Variants in SETBP1 observed in about 807,000 individuals in gnomAD.
SETBP1 encodes SET-binding protein.
In SETBP1, 9 loss-of-function variants were observed where a neutral mutation model predicts 101.0. The observed-to-expected ratio is 0.09, with a 90% CI of 0.05 to 0.16. The LOEUF (loss-of-function observed/expected upper bound fraction) is 0.16, where lower values mean the gene tolerates loss of function less well. SETBP1 is among the 10% of genes least tolerant of loss of function. SETBP1 has a pLI of 1.00. For missense variants in SETBP1, 1,858 were observed against 2,033.8 expected (o/e 0.91, Z 1.66); for synonymous variants, 818 against 788.5 (o/e 1.04, Z -0.63).
intron 2 of SETBP1, among the ~76,000 whole-genome samples, chr18:44,702,432 C>CAACTAGACA (rs2069132064): frequency 3.3e-5 from 5 of 152,164 alleles, no homozygotes; most frequent in Non-Finnish European, 7.3e-5. Context: ...CTGCTATAAT[C>CAACTAGACA]TTGGTATAAT....
chr18:44,717,790 G>T (rs1269696317), intron 2 of SETBP1, among the ~76,000 whole-genome samples: 1 of 152,158 alleles, frequency 6.6e-6, no homozygotes, highest in Admixed American at 6.5e-5. Context: ...TTAGAATAGA[G>T]TATAAAATAA....
chr18:44,762,917 G>T (rs907390872), intron 2 of SETBP1, among the ~76,000 whole-genome samples: 12 of 152,108 alleles, frequency 7.9e-5, no homozygotes, highest in African/African-American at 2.7e-4. Context: ...GTATTTATTT[G>T]GTGTAAGGCA....
chr18:44,943,805 C>A (rs969244608), intron 3 of SETBP1, among the ~76,000 whole-genome samples: 12 of 151,890 alleles, frequency 7.9e-5, no homozygotes, highest in African/African-American at 2.7e-4. Context: ...TCATGAACAC[C>A]AGCATTCCTG....
chr18:44,713,103 C>T (rs1438673731), intron 2 of SETBP1, among the ~76,000 whole-genome samples: 4 of 151,876 alleles, frequency 2.6e-5, no homozygotes, highest in Admixed American at 6.6e-5. Context: ...GGACTACAGG[C>T]GCCTGCCACT....
chr18:44,849,323 C>T (rs900537627), intron 2 of SETBP1, among the ~76,000 whole-genome samples: 1 of 152,160 alleles, frequency 6.6e-6, no homozygotes, highest in African/African-American at 2.4e-5. Context: ...ATAAAAATGG[C>T]ACTGAACTGG....
rs565784185 is a variant in SETBP1 at position 44,842,224 on chromosome 18, C to A, written c.487-27006C>A. 1.8e-4 allele frequency among the ~76,000 whole-genome samples: 27 copies of A among 152,264 alleles called. 1 individual carries two copies. The highest frequency in any genetic ancestry group is 6.5e-4 in the African/African-American group (27 of 41,560). Reference sequence around the variant, plus strand: ...CTTGGATGGTGGGCATCAGGCTTCCCGTGCTTGCCCCAGGCTCATCTCTAG... The same window carrying A: ...CTTGGATGGTGGGCATCAGGCTTCCAGTGCTTGCCCCAGGCTCATCTCTAG... On this transcript the variant is annotated intron_variant, in intron 2 of 5. Coordinates refer to ENST00000649279, the MANE Select transcript of SETBP1 (RefSeq NM_015559.3).
intron 3 of SETBP1, among the ~76,000 whole-genome samples, chr18:44,941,085 T>C (rs2071080008): frequency 6.9e-6 from 1 of 144,782 alleles, no homozygotes; most frequent in African/African-American, 2.6e-5. Flanking sequence ...GACTTTTTTT[T>C]TTTTTTTTTT....
chr18:45,055,298 A>C (rs2073790373), intron 5 of SETBP1, among the ~76,000 whole-genome samples: 2 of 152,218 alleles, frequency 1.3e-5, no homozygotes, highest in South Asian at 4.1e-4. Flanking sequence ...GATATTAGTA[A>C]CATAATTTTG....
intron 4 of SETBP1, among the ~76,000 whole-genome samples, chr18:45,024,140 C>A (rs1259081478): frequency 1.3e-5 from 2 of 152,158 alleles, no homozygotes; most frequent in Non-Finnish European, 2.9e-5. Context: ...CCTCTCTCCC[C>A]TCTAAAACAA....
Position 44,951,667 on chromosome 18 carries a change from T to G in SETBP1, c.2327T>G (p.Met776Arg), listed in dbSNP as rs547623462. 2 of 1,614,190 alleles carry G rather than the reference T, an allele frequency of 1.2e-6. No individual in the cohort carries two copies. Among genetic ancestry groups the G allele is most frequent in the African/African-American group, 1.3e-5 (1 of 75,052 alleles). ...CTTGTGGCGTCTTCACCAGCAGCTA[T>G]GCACCCACTTTCAACACAGTTAGGT... ...QSLVASSPAA[M>R]HPLSTQLGGS... The change falls in exon 4 of 6, where the codon ATG becomes AGG. Residue 776 changes from methionine to arginine, a missense_variant. Physicochemically the swap from Met to Arg is moderately conservative, Grantham distance 91. This residue lies in a region of SETBP1 where 121 missense variants were observed against 138.0 expected (regional missense o/e 0.88). Coordinates refer to ENST00000649279, the MANE Select transcript of SETBP1 (RefSeq NM_015559.3). The surrounding 1 kb of genome is among the most constrained non-coding windows in gnomAD (Gnocchi z 7.8).
chr18:44,793,649 G>A (rs1442926155), intron 2 of SETBP1, among the ~76,000 whole-genome samples: 2 of 152,178 alleles, frequency 1.3e-5, no homozygotes, highest in Non-Finnish European at 2.9e-5. Flanking sequence ...TTTTTAAGGG[G>A]TGCCTACTAG....
chr18:44,930,483 A>C (rs369744342), intron 3 of SETBP1, among the ~76,000 whole-genome samples: 1 of 152,112 alleles, frequency 6.6e-6, no homozygotes, highest in Non-Finnish European at 1.5e-5. Flanking sequence ...CTCTTTTTCT[A>C]TTGATTGGAC....
At chr18:44,989,523 AG>A (rs1319425671) in intron 4 of SETBP1, among the ~76,000 whole-genome samples, 1 of 152,176 alleles carries the variant, frequency 6.6e-6, no homozygotes, top group Non-Finnish European at 1.5e-5. Context: ...TAGAGTGAAA[AG>A]GATATTTGAA....
rs76996336 is a variant in SETBP1 at position 44,820,344 on chromosome 18, A to G, written c.487-48886A>G. On this transcript the variant is annotated intron_variant, in intron 2 of 5. Coordinates refer to ENST00000649279, the MANE Select transcript of SETBP1 (RefSeq NM_015559.3). ...GACACCAGAATGGAGTGAAGACATC[A>G]TCTGTTTCCTAACTCTTGTAGCTTT... Among the ~76,000 whole-genome samples the G allele has an allele frequency of 3.3e-5, 5 of 152,284 alleles. No individual in the cohort carries two copies. The East Asian group carries it at 9.7e-4, about 29-fold the overall frequency.
intron 2 of SETBP1, among the ~76,000 whole-genome samples, chr18:44,826,549 A>G (rs531593493): frequency 1.6e-3 from 242 of 152,290 alleles, no homozygotes; most frequent in African/African-American, 5.0e-3. Context: ...GGCATTATCA[A>G]TCATGAGCTG....
intron 3 of SETBP1, among the ~76,000 whole-genome samples, chr18:44,900,637 C>T (rs12606936): frequency 0.092 from 13,932 of 152,166 alleles, 750 homozygotes; most frequent in East Asian, 0.19. Context: ...CAAAGTGTGC[C>T]CCCCAGACCA....
chr18:44,899,238 A>T (rs923238475), intron 3 of SETBP1, among the ~76,000 whole-genome samples: 4 of 152,194 alleles, frequency 2.6e-5, no homozygotes, highest in African/African-American at 9.7e-5. Context: ...AGAACAAATG[A>T]TATTCTCTAA....
intron 3 of SETBP1, among the ~76,000 whole-genome samples, chr18:44,886,080 A>C (rs1395677041): frequency 6.6e-6 from 1 of 152,048 alleles, no homozygotes; most frequent in South Asian, 2.1e-4. Context: ...CATGCACGGG[A>C]AAATTAGAAA....
chr18:44,782,510 A>G (rs1322246560), intron 2 of SETBP1, among the ~76,000 whole-genome samples: 1 of 152,200 alleles, frequency 6.6e-6, no homozygotes, highest in Non-Finnish European at 1.5e-5. Context: ...AAGCCCTGTC[A>G]AGAGTGCTCC....
Sources: allele counts gnomAD v4.1 joint callset (sites outside exome capture counted in the v4.1 genomes callset), GRCh38; gene constraint gnomAD v4.1.1; regional missense constraint gnomAD v4.1.1; non-coding constraint Gnocchi (gnomAD v3.1); transcripts MANE v1.5; gene names NCBI Gene and HGNC (gene_info 2026-07-23, HGNC 2026-07-21).